BCAS3: variants seen among roughly 807,000 people sequenced by gnomAD.
BCAS3 encodes BCAS4/BCAS3 fusion.
Under a neutral mutation model 116.1 loss-of-function variants are expected in BCAS3, and 53 were observed. That is an observed-to-expected ratio of 0.46 (90% CI 0.37 to 0.57). BCAS3 has a LOEUF of 0.57. BCAS3 is among the 20% of genes least tolerant of loss of function. BCAS3 has a pLI of 0.00. For synonymous variants in BCAS3, 391 were observed against 408.2 expected, an observed-to-expected ratio of 0.96 and a Z score of 0.51; for missense variants, 917 against 1,165.4, an observed-to-expected ratio of 0.79 and a Z score of 3.10.
intron 6 of BCAS3, 89 bp downstream of exon 6, chr17:60,747,368 A>G: frequency 9.1e-7 from 1 of 1,094,752 alleles, no homozygotes; most frequent in Non-Finnish European, 1.3e-6. Flanking sequence ...TGATAACTAA[A>G]GTCTGTTTTC....
chr17:60,896,201 T>A (rs1328523041), intron 10 of BCAS3, among the ~76,000 whole-genome samples: 1 of 152,196 alleles, frequency 6.6e-6, no homozygotes, highest in Non-Finnish European at 1.5e-5. Context: ...GGCGTGTGCC[T>A]GTAATCCCAG....
At chr17:60,772,763 C>G (rs367571106) in intron 6 of BCAS3, among the ~76,000 whole-genome samples, 3 of 152,084 alleles carry the variant, frequency 2.0e-5, no homozygotes, top group Non-Finnish European at 4.4e-5. Flanking sequence ...GTTCCAGCTA[C>G]TCAGGAGGCT....
intron 6 of BCAS3, among the ~76,000 whole-genome samples, chr17:60,793,074 T>C (rs1214080767): frequency 6.6e-6 from 1 of 152,066 alleles, no homozygotes; most frequent in Non-Finnish European, 1.5e-5. Flanking sequence ...AGGATTTCCT[T>C]CTTTATTTTT....
chr17:60,702,973 T>TA (rs2036607152), intron 4 of BCAS3, among the ~76,000 whole-genome samples: 1 of 152,164 alleles, frequency 6.6e-6, no homozygotes, highest in South Asian at 2.1e-4. Context: ...AATACTTTTT[T>TA]ATCTCATATT....
At chr17:60,792,801 T>G (rs1398299578) in intron 6 of BCAS3, among the ~76,000 whole-genome samples, 1 of 152,178 alleles carries the variant, frequency 6.6e-6, no homozygotes, top group Admixed American at 6.5e-5. Context: ...TATTGAACTT[T>G]CCAGCCACTA....
chr17:60,871,321 G>A (rs1011686649), intron 8 of BCAS3, among the ~76,000 whole-genome samples: 2 of 152,044 alleles, frequency 1.3e-5, no homozygotes, highest in Non-Finnish European at 2.9e-5. Flanking sequence ...GTGCCACCAC[G>A]CCTGGCTAAT....
intron 22 of BCAS3, among the ~76,000 whole-genome samples, chr17:61,096,699 C>T (rs1404824228): frequency 1.3e-5 from 2 of 152,150 alleles, no homozygotes; most frequent in Non-Finnish European, 2.9e-5. Flanking sequence ...CTTTATCTTT[C>T]TCCCATATTA....
At chr17:60,781,189 C>T (rs1042417592) in intron 6 of BCAS3, among the ~76,000 whole-genome samples, 6 of 151,478 alleles carry the variant, frequency 4.0e-5, no homozygotes, top group African/African-American at 1.2e-4. Context: ...AGGCTGGTCT[C>T]GAACTCCTGA....
intron 6 of BCAS3, among the ~76,000 whole-genome samples, chr17:60,789,602 C>T (rs1047681956): frequency 2.6e-5 from 4 of 152,254 alleles, no homozygotes; most frequent in South Asian, 4.1e-4. Flanking sequence ...TTTGGCTAGC[C>T]GCTTTTCATT....
At position 61,056,522 on chromosome 17, in the gene BCAS3, CTTTTATAGATATT is replaced by C. The variant is rs1281704944; in HGVS notation, c.2029+15636_2029+15648del. Among the ~76,000 whole-genome samples the C allele has an allele frequency of 6.6e-6, 1 of 151,674 alleles. No homozygotes were observed. The highest frequency in any genetic ancestry group is 2.4e-5 in the African/African-American group (1 of 41,358). On this transcript the variant is annotated intron_variant, in intron 19 of 23. Coordinates refer to ENST00000407086, the MANE Select transcript of BCAS3 (RefSeq NM_017679.5). The surrounding 1 kb of genome is among the most constrained non-coding windows in gnomAD (Gnocchi z 4.9). ...AATAAATTTATAAAGTATAAAAATT[CTTTTATAGATATT>C]TTTTAAAGTTTAAGATGCAGGCTTT...
intron 8 of BCAS3, 68 bp from the exon 9 acceptor site, chr17:60,874,594 C>T: frequency 8.9e-7 from 1 of 1,120,358 alleles, no homozygotes; most frequent in Non-Finnish European, 1.3e-6. Context: ...TAATGCATTT[C>T]TGATTCCACT....
chr17:61,084,545 A>G lies in BCAS3; in HGVS notation c.2406A>G (p.Thr802=), dbSNP rs757265090. 3 of 1,613,932 alleles carry G rather than the reference A, an allele frequency of 1.9e-6. No homozygotes were observed. In the Admixed American group the frequency reaches 5.0e-5, roughly 27 times the overall value. Reference sequence around the variant, plus strand: ...TCTCTGATCGAAGGGGAGTTTCCACAGTGATTGATGCTGCCTCAGGTAGAA... The same window carrying G: ...TCTCTGATCGAAGGGGAGTTTCCACGGTGATTGATGCTGCCTCAGGTAGAA... The part of the protein sequence containing the change: ...RPVSDRRGVS[T]VIDAASGTFD... Residue 802 remains threonine (T), a synonymous_variant, in exon 22 of 24, where the codon ACA becomes ACG. Transcript: ENST00000407086. This position sits in a 1 kb window ranked among gnomAD's most constrained non-coding sequence, Gnocchi z 5.5.
chr17:60,948,358 T>C (rs1467403912), intron 14 of BCAS3, among the ~76,000 whole-genome samples: 1 of 152,120 alleles, frequency 6.6e-6, no homozygotes, highest in Non-Finnish European at 1.5e-5. Context: ...ACTCCTGGCC[T>C]CGTGATCCAC....
At chr17:61,201,619 T>C (rs1344172207) in intron 22 of BCAS3, among the ~76,000 whole-genome samples, 5 of 152,148 alleles carry the variant, frequency 3.3e-5, no homozygotes, top group Non-Finnish European at 5.9e-5. Context: ...TTTGCTCAGG[T>C]TGTGGTTAAT....
At chr17:61,353,018 T>C (rs980145045) in intron 22 of BCAS3, among the ~76,000 whole-genome samples, 1 of 152,208 alleles carries the variant, frequency 6.6e-6, no homozygotes, top group Admixed American at 6.5e-5. Context: ...TGAAGGCAAT[T>C]TGAGGATTGA....
rs1407365449 is a variant in BCAS3 at position 60,808,006 on chromosome 17, G to T, written c.406G>T (p.Ala136Ser). Residue 136 changes from alanine (A) to serine (S), a missense_variant and splice_region_variant, in exon 7 of 24, where the codon GCT (alanine) becomes TCT (serine). Physicochemically the swap from Ala to Ser is moderately conservative, Grantham distance 99. Coordinates refer to ENST00000407086, the MANE Select transcript of BCAS3 (RefSeq NM_017679.5). ...ARILPAPQFG[A>S]QKCDNFAEKR... The stretch of plus-strand genomic sequence containing the variant: ...ATTTATTTTATCCTTCCTGTCAGGT[G>T]CTCAAAAATGTGATAACTTTGCTGA... 1.3e-6 allele frequency: 2 copies of T among 1,598,844 alleles called. No homozygotes were observed.
chr17:60,770,303 G>T (rs370098908), intron 6 of BCAS3, among the ~76,000 whole-genome samples: 148 of 149,858 alleles, frequency 9.9e-4, no homozygotes, highest in African/African-American at 3.3e-3. Flanking sequence ...CTCTGTCCAT[G>T]AGCTTTCCCC....
chr17:61,008,713 A>C lies in BCAS3; in HGVS notation c.1487-7038A>C, dbSNP rs532197506. ...CAAAAAATAAAAAATAAAAAAATAA[A>C]AAAAAAGGCCCCGTAGAACTCATCA... On this transcript the variant is annotated intron_variant, in intron 15 of 23. Transcript: ENST00000407086. This position sits in a 1 kb window ranked among gnomAD's most constrained non-coding sequence, Gnocchi z 4.6. Among the ~76,000 whole-genome samples, 10 of 152,170 alleles carry C rather than the reference A, an allele frequency of 6.6e-5. No homozygotes were observed. The South Asian group carries it at 1.0e-3, about 16-fold the overall frequency.
intron 22 of BCAS3, among the ~76,000 whole-genome samples, chr17:61,275,327 A>C (rs1364301783): frequency 2.0e-5 from 3 of 152,202 alleles, no homozygotes; most frequent in Admixed American, 6.5e-5. Flanking sequence ...CTTGAATGGA[A>C]GTATATAGAA....
Sources: gnomAD v4.1 joint callset for allele counts (sites outside exome capture counted in the v4.1 genomes callset) on GRCh38, gnomAD v4.1.1 for gene constraint, Gnocchi (gnomAD v3.1) non-coding constraint, MANE v1.5 for transcripts, NCBI Gene and HGNC (gene_info 2026-07-23, HGNC 2026-07-21) for gene names.